The following TMEM163 variants were observed in gnomAD, a reference collection of about 807,000 sequenced individuals.
TMEM163 encodes transmembrane protein 163.
TMEM163 carries 17 observed loss-of-function variants against 29.3 expected under a neutral mutation model. The ratio of observed to expected loss-of-function variants is 0.58; its 90% CI spans 0.40 to 0.87. The LOEUF (loss-of-function observed/expected upper bound fraction) is 0.87. Among genes scored for constraint, TMEM163 ranks in the 40% least tolerant of loss-of-function variants. The pLI is 0.00. For missense variants in TMEM163, 303 were observed against 381.5 expected, an observed-to-expected ratio of 0.79 and a Z score of 1.71; for synonymous variants, 157 against 160.6, an observed-to-expected ratio of 0.98 and a Z score of 0.17.
intron 5 of TMEM163, 151 bp downstream of exon 5, chr2:134,502,750 T>C: frequency 1.6e-6 from 1 of 621,422 alleles, no homozygotes; most frequent in Non-Finnish European, 2.8e-6. Context: ...CACCAGGTCA[T>C]TTGCATCCCT....
At chr2:134,461,543 C>A (rs1206117147) in intron 6 of TMEM163, among the ~76,000 whole-genome samples, 2 of 152,148 alleles carry the variant, frequency 1.3e-5, no homozygotes, top group African/African-American at 4.8e-5. Flanking sequence ...TACCCTAGTA[C>A]AAAGCAAGCT....
intron 2 of TMEM163, among the ~76,000 whole-genome samples, chr2:134,676,029 A>G (rs1255647150): frequency 6.6e-6 from 1 of 152,086 alleles, no homozygotes; most frequent in African/African-American, 2.4e-5. Context: ...CTCAGCTCTT[A>G]ATTCAATTGC....
rs924913492 is a variant in TMEM163 at position 134,700,905 on chromosome 2, A to C, written c.322+12295T>G. Among the ~76,000 whole-genome samples the C allele has an allele frequency of 2.3e-4, 32 of 141,734 alleles. 1 individual carries two copies. The highest frequency in any genetic ancestry group is 6.0e-5 in the Non-Finnish European group (4 of 66,188). 93.0% of individuals were successfully genotyped at this position (141,734 alleles called of 152,430 possible). A position where few individuals can be genotyped will look rare whatever the true frequency, so the allele number is the denominator to read the frequency against. The stretch of plus-strand genomic sequence containing the variant: ...GACAAGAACAAAACTCTGTCTCGAA[A>C]ATACATAAATAAATAAATAAATAAA... On this transcript the variant is annotated intron_variant, in intron 2 of 7. Coordinates refer to ENST00000281924, the MANE Select transcript of TMEM163 (RefSeq NM_030923.5).
chr2:134,593,836 G>C (rs1158597164), intron 2 of TMEM163, among the ~76,000 whole-genome samples: 1 of 149,882 alleles, frequency 6.7e-6, no homozygotes, highest in African/African-American at 2.5e-5. Flanking sequence ...ACATGCAGAA[G>C]TTTAACTCAG....
intron 2 of TMEM163, among the ~76,000 whole-genome samples, chr2:134,625,897 C>T (rs542260338): frequency 6.6e-6 from 1 of 152,138 alleles, no homozygotes; most frequent in Non-Finnish European, 1.5e-5. Context: ...CCGCTTACAG[C>T]GTGTAAGCTA....
intron 1 of TMEM163, among the ~76,000 whole-genome samples, chr2:134,714,186 T>C (rs1684988637): frequency 6.6e-6 from 1 of 152,192 alleles, no homozygotes. Flanking sequence ...TATAGGTTTA[T>C]CCTTCTCCTT....
intron 2 of TMEM163, among the ~76,000 whole-genome samples, chr2:134,576,754 C>T (rs1681564137): frequency 2.6e-5 from 4 of 152,188 alleles, no homozygotes; most frequent in Admixed American, 2.6e-4. Context: ...AAACTTGGCA[C>T]CTTGCAGACA....
chr2:134,603,760 C>T (rs1377560685), intron 2 of TMEM163, among the ~76,000 whole-genome samples: 2 of 143,780 alleles, frequency 1.4e-5, no homozygotes, highest in African/African-American at 5.2e-5. Flanking sequence ...CTTGGACCAG[C>T]AATGACAGGA....
chr2:134,510,511 G>A (rs1382045049), intron 4 of TMEM163, among the ~76,000 whole-genome samples: 2 of 152,110 alleles, frequency 1.3e-5, no homozygotes, highest in East Asian at 1.9e-4. Flanking sequence ...CAATGGCCAC[G>A]AAAGCAAACT....
At chr2:134,547,374 G>T (rs1012985604) in intron 4 of TMEM163, among the ~76,000 whole-genome samples, 2 of 152,122 alleles carry the variant, frequency 1.3e-5, no homozygotes, top group East Asian at 3.8e-4. Context: ...GCTAAGGAAG[G>T]TTTCCAGTTG....
intron 2 of TMEM163, among the ~76,000 whole-genome samples, chr2:134,615,425 T>C (rs1156683654): frequency 6.6e-6 from 1 of 152,200 alleles, no homozygotes; most frequent in Non-Finnish European, 1.5e-5. Context: ...GGTGAGATAA[T>C]GTTGAAGACG....
chr2:134,483,611 G>A (rs1372033232), intron 5 of TMEM163, among the ~76,000 whole-genome samples: 1 of 152,120 alleles, frequency 6.6e-6, no homozygotes, highest in Admixed American at 6.6e-5. Flanking sequence ...CCTGCGAGGT[G>A]GAAATTCTGA....
chr2:134,561,193 C>A (rs1489813454), intron 2 of TMEM163, among the ~76,000 whole-genome samples: 1 of 152,200 alleles, frequency 6.6e-6, no homozygotes, highest in Non-Finnish European at 1.5e-5. Flanking sequence ...CAGCAAAGTT[C>A]TTTTATTATT....
intron 6 of TMEM163, among the ~76,000 whole-genome samples, chr2:134,462,444 G>A (rs1183322000): frequency 6.6e-6 from 1 of 152,072 alleles, no homozygotes; most frequent in African/African-American, 2.4e-5. Context: ...GCCATGCTCT[G>A]TCCCCCCACT....
In TMEM163 at chr2:134,540,691, G is replaced by A. The variant is rs114718872; in HGVS notation, c.458+9879C>T. 9.3e-3 allele frequency among the ~76,000 whole-genome samples: 1,422 copies of A among 152,268 alleles called. 25 individuals carry two copies. Among genetic ancestry groups the A allele is most frequent in the African/African-American group, 0.031 (1,304 of 41,552 alleles). ...CAGTTCTATCCATCACTAACCAGGAGCCTTCAGGAACAAACTTTACCTTCT... is the reference window on the plus strand; with the variant it reads ...CAGTTCTATCCATCACTAACCAGGAACCTTCAGGAACAAACTTTACCTTCT... On this transcript the variant is annotated intron_variant, in intron 4 of 7. Transcript: ENST00000281924.
chr2:134,567,810 G>A (rs1203747094), intron 2 of TMEM163, among the ~76,000 whole-genome samples: 1 of 152,182 alleles, frequency 6.6e-6, no homozygotes, highest in African/African-American at 2.4e-5. Flanking sequence ...ATGTTAATGG[G>A]GAATCAAGAG....
intron 2 of TMEM163, among the ~76,000 whole-genome samples, chr2:134,646,643 T>A (rs1683344182): frequency 6.6e-6 from 1 of 150,628 alleles, no homozygotes; most frequent in African/African-American, 2.4e-5. Flanking sequence ...TGGGGTTTCA[T>A]AATGTTGGCC....
intron 2 of TMEM163, among the ~76,000 whole-genome samples, chr2:134,575,486 C>T (rs148233694): frequency 5.3e-5 from 8 of 152,264 alleles, no homozygotes; most frequent in Non-Finnish European, 8.8e-5. Flanking sequence ...ACAATCTCTG[C>T]CTCTTAGGTC....
chr2:134,561,018 C>T (rs886887903), intron 2 of TMEM163, among the ~76,000 whole-genome samples: 3 of 152,230 alleles, frequency 2.0e-5, no homozygotes, highest in African/African-American at 7.2e-5. Context: ...CACTGTGCTG[C>T]TTCTTCAGTC....
Sources: gnomAD v4.1 joint callset for allele counts (sites outside exome capture counted in the v4.1 genomes callset) on GRCh38, gnomAD v4.1.1 for gene constraint, MANE v1.5 for transcripts, NCBI Gene and HGNC (gene_info 2026-07-23, HGNC 2026-07-21) for gene names.